The following CCDC85C variants were observed in gnomAD, a reference collection of about 807,000 sequenced individuals.
CCDC85C encodes the protein coiled-coil domain-containing protein 85C.
In CCDC85C, 18 loss-of-function variants were observed where a neutral mutation model predicts 38.3. The observed-to-expected ratio is 0.47, with a 90% confidence interval of 0.33 to 0.70. CCDC85C has a LOEUF of 0.70. CCDC85C is among the 30% of genes least tolerant of loss of function. The pLI is 0.03. For missense variants in CCDC85C, 566 were observed against 621.2 expected (o/e 0.91, Z 0.94); for synonymous variants, 264 against 293.8 (o/e 0.90, Z 1.04).
chr14:99,552,643 A>G (rs1452857588), intron 1 of CCDC85C, among the ~76,000 whole-genome samples: 1 of 152,078 alleles, frequency 6.6e-6, no homozygotes, highest in Non-Finnish European at 1.5e-5. Context: ...GAGGTGTGGG[A>G]GGGGTTGCCA....
chr14:99,546,430 G>A (rs12433182), intron 1 of CCDC85C, among the ~76,000 whole-genome samples: 3 of 151,718 alleles, frequency 2.0e-5, no homozygotes, highest in African/African-American at 2.4e-5. Flanking sequence ...CTGGGAGAGC[G>A]GCTCAGGGAA....
rs1159941113 is a variant in CCDC85C, at chr14:99,603,699, G to A, written c.261C>T (p.Leu87=). The A allele has an allele frequency of 1.5e-5, 22 of 1,513,396 alleles. No homozygotes were observed. Among genetic ancestry groups the A allele is most frequent in the African/African-American group, 2.8e-5 (2 of 70,276 alleles). 93.7% of individuals were successfully genotyped at this position (1,513,396 alleles called of 1,614,324 possible). A position where few individuals can be genotyped will look rare whatever the true frequency, so the allele number is the denominator to read the frequency against. ...LQDDNQELRE[L]CCFLDDDRQK... is the part of the protein sequence containing the mutation. ...GCCGGTCGTCGTCGAGGAAGCAGCA[G>A]AGCTCGCGCAGCTCCTGGTTGTCGT... The change falls in exon 1 of 6, where the codon CTC becomes CTT. Residue 87 remains leucine (L), a synonymous_variant. Transcript: ENST00000380243. The surrounding 1 kb of genome is among the most constrained non-coding windows in gnomAD (Gnocchi z 7.5).
At chr14:99,527,049 C>T (rs141060645) in intron 2 of CCDC85C, among the ~76,000 whole-genome samples, 30 of 152,308 alleles carry the variant, frequency 2.0e-4, no homozygotes, top group South Asian at 4.1e-4. Context: ...GGGGTCAGGG[C>T]TGTGCAGCGT....
rs1414552237 is a variant in CCDC85C, at chr14:99,506,720, C to T, written c.*8526G>A. 3.6e-6 allele frequency: 1 copy of T among 278,872 alleles called. No homozygotes were observed. Among genetic ancestry groups the T allele is most frequent in the Non-Finnish European group, 7.0e-6 (1 of 142,488 alleles). The allele number at this position is 278,872 out of a possible 1,614,324, so 17.3% of individuals were successfully genotyped here. On this transcript the variant is annotated 3_prime_UTR_variant, in exon 6 of 6. Transcript: ENST00000380243. ...TGCTACTCTGGACCCTTCTTTGTGTCCTCTGTACCAGGGAGGACTCCAGAT... is the reference window on the plus strand; with the variant it reads ...TGCTACTCTGGACCCTTCTTTGTGTTCTCTGTACCAGGGAGGACTCCAGAT...
Position 99,510,731 on chromosome 14 carries a change from A to G in CCDC85C, c.*4515T>C. 7.1e-7 allele frequency: 1 copy of G among 1,408,864 alleles called. No individual in the cohort carries two copies. The allele number at this position is 1,408,864 out of a possible 1,614,324, so 87.3% of individuals were successfully genotyped here. ...CTCCTGTGCCCCCGCCCATTCCCCC[A>G]CCCGGCATGCCTCCAGTTGGGGGGC... On this transcript the variant is annotated 3_prime_UTR_variant, in exon 6 of 6. Transcript: ENST00000380243.
chr14:99,556,339 G>A (rs1898010605), intron 1 of CCDC85C, among the ~76,000 whole-genome samples: 1 of 152,200 alleles, frequency 6.6e-6, no homozygotes, highest in Admixed American at 6.5e-5. Context: ...GATCACTTGA[G>A]CCCTGTTGAG....
At chr14:99,531,603 C>G (rs1386737124) in intron 2 of CCDC85C, among the ~76,000 whole-genome samples, 1 of 149,214 alleles carries the variant, frequency 6.7e-6, no homozygotes, top group African/African-American at 2.5e-5. Context: ...GGTGGGACCG[C>G]GGGGAGTAGG....
intron 1 of CCDC85C, among the ~76,000 whole-genome samples, chr14:99,571,385 G>A (rs776835890): frequency 6.7e-6 from 1 of 149,018 alleles, no homozygotes; most frequent in African/African-American, 2.6e-5. Context: ...ACCAAGTTAC[G>A]ATAACCCCCC....
intron 5 of CCDC85C, 90 bp from the exon 6 acceptor site, chr14:99,515,425 C>T: frequency 2.2e-6 from 2 of 923,770 alleles, no homozygotes; most frequent in Non-Finnish European, 3.4e-6. Context: ...GGCAGAATCA[C>T]CCACGTCCTC....
chr14:99,518,535 A>G (rs900085252), intron 3 of CCDC85C, among the ~76,000 whole-genome samples: 5 of 151,266 alleles, frequency 3.3e-5, no homozygotes, highest in African/African-American at 1.2e-4. Context: ...AGGGAACCCA[A>G]CAGGGACGCT....
intron 1 of CCDC85C, among the ~76,000 whole-genome samples, chr14:99,579,870 C>G (rs371884838): frequency 6.6e-6 from 1 of 152,228 alleles, no homozygotes; most frequent in South Asian, 2.1e-4. Flanking sequence ...GGTTGTTGGT[C>G]GTTAGGCTGT....
In CCDC85C at chr14:99,505,538, A is replaced by C. The variant is rs1896952618; in HGVS notation, c.*9708T>G. On this transcript the variant is annotated 3_prime_UTR_variant, in exon 6 of 6. Coordinates refer to ENST00000380243, the MANE Select transcript of CCDC85C (RefSeq NM_001144995.2). ...TTATCCTTTTTCCTTTTATTTCCAG[A>C]GTCTTGCTCTGTTAATGCAGGCTGG... 1 of 152,184 alleles carries C rather than the reference A, an allele frequency of 6.6e-6. No individual in the cohort carries two copies. Among genetic ancestry groups the C allele is most frequent in the African/African-American group, 2.4e-5 (1 of 41,432 alleles). 9.4% of individuals were successfully genotyped at this position (152,184 alleles called of 1,614,324 possible). A position where few individuals can be genotyped will look rare whatever the true frequency, so the allele number is the denominator to read the frequency against.
At chr14:99,551,269 G>A (rs1201066124) in intron 1 of CCDC85C, among the ~76,000 whole-genome samples, 1 of 152,206 alleles carries the variant, frequency 6.6e-6, no homozygotes, top group African/African-American at 2.4e-5. Flanking sequence ...CACACCACCA[G>A]TATGCGCATC....
Position 99,503,704 on chromosome 14 carries a change from C to A in CCDC85C, c.*11542G>T. 2.9e-6 allele frequency: 4 copies of A among 1,385,996 alleles called. No individual in the cohort carries two copies. The highest frequency in any genetic ancestry group is 2.6e-5 in the South Asian group (2 of 76,582). The allele number at this position is 1,385,996 out of a possible 1,614,324, so 85.9% of individuals were successfully genotyped here. ...GTGTTTATATGCAAAACTTTAAATTCTTAGCCAACATTGTTTCTTTTCAGA... is the reference window on the plus strand; with the variant it reads ...GTGTTTATATGCAAAACTTTAAATTATTAGCCAACATTGTTTCTTTTCAGA... On this transcript the variant is annotated 3_prime_UTR_variant, in exon 6 of 6. Transcript: ENST00000380243.
chr14:99,593,118 G>T (rs1174824778), intron 1 of CCDC85C, among the ~76,000 whole-genome samples: 1 of 152,252 alleles, frequency 6.6e-6, no homozygotes, highest in Non-Finnish European at 1.5e-5. Context: ...AGGGAGCCGG[G>T]CCGGTGCCGT....
At chr14:99,589,545 T>C (rs1202970795) in intron 1 of CCDC85C, among the ~76,000 whole-genome samples, 1 of 152,216 alleles carries the variant, frequency 6.6e-6, no homozygotes, top group Non-Finnish European at 1.5e-5. Flanking sequence ...TCTTCATCTT[T>C]CCTGAGTCAT....
At position 99,544,398 on chromosome 14, in the gene CCDC85C, C is replaced by T. The variant is rs572209039; in HGVS notation, c.794-8310G>A. ...CCTGGCAAGGAGGCACAGCAACTTT[C>T]ACCTACTCCCCCAACAAAGAGACCG... On this transcript the variant is annotated intron_variant, in intron 1 of 5. Transcript: ENST00000380243. The surrounding 1 kb of genome is among the most constrained non-coding windows in gnomAD (Gnocchi z 5.3). 6.6e-6 allele frequency among the ~76,000 whole-genome samples: 1 copy of T among 152,310 alleles called. No homozygotes were observed. Among genetic ancestry groups the T allele is most frequent in the South Asian group, 2.1e-4 (1 of 4,818 alleles).
intron 1 of CCDC85C, among the ~76,000 whole-genome samples, chr14:99,547,322 CAT>C (rs1298513866): frequency 6.6e-6 from 1 of 152,130 alleles, no homozygotes; most frequent in Non-Finnish European, 1.5e-5. Context: ...TAGGCAGATT[CAT>C]AGAGACAAAG....
chr14:99,525,841 C>T (rs1897375072), intron 2 of CCDC85C, among the ~76,000 whole-genome samples: 1 of 152,198 alleles, frequency 6.6e-6, no homozygotes, highest in Non-Finnish European at 1.5e-5. Context: ...CGACTCTGGA[C>T]CGGTGTCTCA....
Sources: gnomAD v4.1 joint callset for allele counts (sites outside exome capture counted in the v4.1 genomes callset) on GRCh38, gnomAD v4.1.1 for gene constraint, Gnocchi (gnomAD v3.1) non-coding constraint, MANE v1.5 for transcripts, NCBI Gene and HGNC (gene_info 2026-07-23, HGNC 2026-07-21) for gene names.